Variants in ADAM12 observed in about 807,000 individuals in gnomAD.
The protein encoded by ADAM12 is ADAM metallopeptidase domain 12.
Under a neutral mutation model 106.4 loss-of-function variants are expected in ADAM12, and 70 were observed. The ratio of observed to expected loss-of-function variants is 0.66; its 90% confidence interval spans 0.54 to 0.80. The LOEUF is 0.80. Ranked by LOEUF, ADAM12 falls within the 30% of genes least tolerant of loss-of-function variation. The probability of loss-of-function intolerance (pLI) is 0.00; values close to 1 mark genes in which losing one functional copy is unlikely to be tolerated. For missense variants in ADAM12, 1,010 were observed against 1,171.9 expected, an observed-to-expected ratio of 0.86 and a Z score of 2.02; for synonymous variants, 420 against 433.5, an observed-to-expected ratio of 0.97 and a Z score of 0.39.
Position 126,339,847 on chromosome 10 carries a change from CTTTTTTTTTTT to C in ADAM12, c.89-9349_89-9339del, listed in dbSNP as rs146232567. On this transcript the variant is annotated intron_variant, in intron 1 of 22. Coordinates refer to ENST00000448723, the MANE Select transcript of ADAM12 (RefSeq NM_001288973.2). ...AGTGAAGTGGGAAGCCATTCTAGGG[CTTTTTTTTTTT>C]TTTTTTTTTTTTTTGAGACAGAGTC... Among the ~76,000 whole-genome samples the C allele has an allele frequency of 4.0e-5, 3 of 75,680 alleles. No individual in the cohort carries two copies. In the East Asian group the frequency reaches 1.5e-3, roughly 39 times the overall value. 49.6% of individuals were successfully genotyped at this position (75,680 alleles called of 152,430 possible). A position where few individuals can be genotyped will look rare whatever the true frequency, so the allele number is the denominator to read the frequency against.
chr10:126,167,708 T>A (rs1020784071), intron 3 of ADAM12, among the ~76,000 whole-genome samples: 4 of 152,224 alleles, frequency 2.6e-5, no homozygotes, highest in Non-Finnish European at 4.4e-5. Context: ...AGAAGCAAAG[T>A]GAACCTCGAA....
intron 17 of ADAM12, among the ~76,000 whole-genome samples, chr10:126,045,360 C>A (rs1954287947): frequency 6.6e-6 from 1 of 152,148 alleles, no homozygotes; most frequent in Admixed American, 6.5e-5. Context: ...TAATTTACAA[C>A]CCCCTCCCCC....
chr10:126,064,712 G>A lies in ADAM12; in HGVS notation c.1609+94C>T. The A allele has an allele frequency of 7.5e-7, 1 of 1,337,616 alleles. No homozygotes were observed. The highest frequency in any genetic ancestry group is 1.0e-6 in the Non-Finnish European group (1 of 983,606). The allele number at this position is 1,337,616 out of a possible 1,614,324, so 82.9% of individuals were successfully genotyped here. Reference sequence around the variant, plus strand: ...GCTGTGTGGACAGCGCCCGCCAGGAGTGGGGGCTAACCAAAACAGAGCACA... The same window carrying A: ...GCTGTGTGGACAGCGCCCGCCAGGAATGGGGGCTAACCAAAACAGAGCACA... On this transcript the variant is annotated intron_variant, in intron 14 of 22. Transcript: ENST00000448723. The surrounding 1 kb of genome is among the most constrained non-coding windows in gnomAD (Gnocchi z 4.4).
chr10:126,121,147 C>G (rs181732850), intron 5 of ADAM12, among the ~76,000 whole-genome samples: 113 of 22,360 alleles, frequency 5.1e-3, no homozygotes, highest in African/African-American at 0.014. Context: ...ACTATATATA[C>G]TATATATACT....
chr10:126,233,801 G>A (rs1958361279), intron 3 of ADAM12, among the ~76,000 whole-genome samples: 2 of 152,192 alleles, frequency 1.3e-5, no homozygotes, highest in South Asian at 4.1e-4. Flanking sequence ...TTCTCTTACT[G>A]TAGAAGCAGT....
intron 14 of ADAM12, among the ~76,000 whole-genome samples, chr10:126,059,339 A>G (rs1954702791): frequency 6.6e-6 from 1 of 152,182 alleles, no homozygotes; most frequent in Non-Finnish European, 1.5e-5. Flanking sequence ...TAACATCCAC[A>G]GACAAAGGCA....
At chr10:126,037,826 G>T (rs1674894) in intron 20 of ADAM12, among the ~76,000 whole-genome samples, 2 of 152,186 alleles carry the variant, frequency 1.3e-5, no homozygotes, top group African/African-American at 4.8e-5. Flanking sequence ...TATTTTAAGA[G>T]TAACAGTGGG....
rs1396906636 is a variant in ADAM12 at position 126,017,326 on chromosome 10, A to G, written c.2674T>C (p.Tyr892His). The G allele has an allele frequency of 1.3e-6, 2 of 1,587,552 alleles. No homozygotes were observed. The highest frequency in any genetic ancestry group is 4.5e-5 in the East Asian group (2 of 44,270). Residue 892 changes from tyrosine (Y) to histidine (H), a missense_variant, in exon 23 of 23, where the codon TAT becomes CAT. Tyr to His is a moderately conservative substitution (Grantham distance 83, BLOSUM62 2). Around this residue, in one of 3 missense-constraint regions of ADAM12, gnomAD observed 615 missense variants for 708.5 expected, o/e 0.87. Coordinates refer to ENST00000448723, the MANE Select transcript of ADAM12 (RefSeq NM_001288973.2). ...GTGGATCTGGGCACTTGGTGTGGAT[A>G]TTGTGGAGCAGGTCTGAATGAAGAG... ...RLAPLRPAPQ[Y>H]PHQVPRSTHT...
At chr10:126,100,378 A>G (rs1395963556) in intron 9 of ADAM12, among the ~76,000 whole-genome samples, 1 of 152,064 alleles carries the variant, frequency 6.6e-6, no homozygotes, top group Non-Finnish European at 1.5e-5. Context: ...GTATAAACAT[A>G]CATTTTCCAC....
intron 2 of ADAM12, among the ~76,000 whole-genome samples, chr10:126,319,523 T>C (rs2133831516): frequency 6.6e-6 from 1 of 152,094 alleles, no homozygotes; most frequent in African/African-American, 2.4e-5. Flanking sequence ...CCACACCTGA[T>C]CTCTACTCCC....
intron 3 of ADAM12, among the ~76,000 whole-genome samples, chr10:126,178,170 A>G (rs1372926873): frequency 6.6e-6 from 1 of 152,148 alleles, no homozygotes; most frequent in Non-Finnish European, 1.5e-5. Flanking sequence ...TATAAATGGG[A>G]ACTATTCTCT....
chr10:126,210,286 G>A (rs953689019), intron 3 of ADAM12, among the ~76,000 whole-genome samples: 1 of 152,170 alleles, frequency 6.6e-6, no homozygotes, highest in African/African-American at 2.4e-5. Flanking sequence ...GCGCCGTGCT[G>A]GTCATTCTAT....
intron 2 of ADAM12, among the ~76,000 whole-genome samples, chr10:126,292,503 T>C (rs1335155079): frequency 2.0e-5 from 3 of 152,206 alleles, no homozygotes; most frequent in Admixed American, 1.3e-4. Flanking sequence ...CAAATAATTC[T>C]TCTGCCCTTC....
rs146883482 is a variant in ADAM12 at position 126,338,986 on chromosome 10, C to T, written c.89-8477G>A. On this transcript the variant is annotated intron_variant, in intron 1 of 22. Coordinates refer to ENST00000448723, the MANE Select transcript of ADAM12 (RefSeq NM_001288973.2). ...CATGTAAAGGCATTCTCTCACATCC[C>T]TGCTGCTTCACTGGGTATCTGTGAC... Among the ~76,000 whole-genome samples, 134 of 152,310 alleles carry T rather than the reference C, an allele frequency of 8.8e-4. 2 individuals carry two copies. The highest frequency in any genetic ancestry group is 1.3e-3 in the African/African-American group (56 of 41,574).
chr10:126,211,537 G>A (rs973720798), intron 3 of ADAM12, among the ~76,000 whole-genome samples: 1 of 152,100 alleles, frequency 6.6e-6, no homozygotes, highest in East Asian at 1.9e-4. Flanking sequence ...TCTGGGTCCT[G>A]GACCATGTCA....
intron 10 of ADAM12, among the ~76,000 whole-genome samples, chr10:126,097,404 C>A (rs1955577356): frequency 6.6e-6 from 1 of 152,188 alleles, no homozygotes; most frequent in Non-Finnish European, 1.5e-5. Context: ...TGCAGGCTTA[C>A]ATTAATGACC....
At chr10:126,307,897 T>C (rs1590759767) in intron 2 of ADAM12, among the ~76,000 whole-genome samples, 2 of 152,228 alleles carry the variant, frequency 1.3e-5, no homozygotes, top group African/African-American at 4.8e-5. Context: ...CTGGCCCTCA[T>C]GCCTGCTTTT....
rs1474865999 is a variant in ADAM12 at position 126,066,687 on chromosome 10, G to C, written c.1413+30C>G. ...AACCACCTGAACCTGTTGGCGACCT[G>C]GGGGTCAAGTTGTAGCTCCGGTGAC... On this transcript the variant is annotated intron_variant, in intron 13 of 22. Coordinates refer to ENST00000448723, the MANE Select transcript of ADAM12 (RefSeq NM_001288973.2). This position sits in a 1 kb window ranked among gnomAD's most constrained non-coding sequence, Gnocchi z 5.1. The C allele has an allele frequency of 6.2e-7, 1 of 1,607,888 alleles. No homozygotes were observed. Among genetic ancestry groups the C allele is most frequent in the Non-Finnish European group, 8.5e-7 (1 of 1,174,482 alleles).
At chr10:126,207,962 A>G (rs138764698) in intron 3 of ADAM12, among the ~76,000 whole-genome samples, 89 of 152,304 alleles carry the variant, frequency 5.8e-4, no homozygotes, top group African/African-American at 2.0e-3. Context: ...TATTTCAATG[A>G]TTTCTGTAAT....
Sources: allele counts gnomAD v4.1 joint callset (sites outside exome capture counted in the v4.1 genomes callset), GRCh38; gene constraint gnomAD v4.1.1; regional missense constraint gnomAD v4.1.1; non-coding constraint Gnocchi (gnomAD v3.1); transcripts MANE v1.5; gene names NCBI Gene and HGNC (gene_info 2026-07-23, HGNC 2026-07-21).